The following TMCO5A variants were observed in gnomAD, a reference collection of about 807,000 sequenced individuals.
The protein encoded by TMCO5A is transmembrane and coiled-coil domain-containing protein 5A.
A neutral mutation model predicts 42.3 loss-of-function variants in TMCO5A; 34 were observed. The ratio of observed to expected loss-of-function variants is 0.80; its 90% CI spans 0.61 to 1.07. The LOEUF (loss-of-function observed/expected upper bound fraction) is 1.07. Among genes scored for constraint, TMCO5A ranks in the 50% least tolerant of loss-of-function variants. The probability of loss-of-function intolerance (pLI) is 0.00; values close to 1 mark genes in which losing one functional copy is unlikely to be tolerated. For missense variants in TMCO5A, 357 were observed against 327.9 expected, an observed-to-expected ratio of 1.09 and a Z score of -0.69; for synonymous variants, 131 against 115.6, an observed-to-expected ratio of 1.13 and a Z score of -0.86.
chr15:37,948,570 T>C (rs1390309270), intron 11 of TMCO5A, among the ~76,000 whole-genome samples: 1 of 152,096 alleles, frequency 6.6e-6, no homozygotes, highest in Non-Finnish European at 1.5e-5. Context: ...TGTTCTCTTA[T>C]ACTCCAACAC....
At chr15:37,995,690 C>G in the TMCO5A span, among the ~76,000 whole-genome samples, 22 of 152,132 alleles carry the variant, frequency 1.4e-4, no homozygotes, top group South Asian at 4.1e-4. Flanking sequence ...AGCACATGAT[C>G]CTTAGGATCC....
At chr15:37,963,143 G>A (rs1029692112) in intron 11 of TMCO5A, among the ~76,000 whole-genome samples, 15 of 151,982 alleles carry the variant, frequency 9.9e-5, no homozygotes, top group Non-Finnish European at 1.6e-4. Context: ...TGTGACCTTC[G>A]AATGTCAGCT....
chr15:37,961,099 T>C (rs1281030437), intron 11 of TMCO5A, among the ~76,000 whole-genome samples: 1 of 152,102 alleles, frequency 6.6e-6, no homozygotes, highest in African/African-American at 2.4e-5. Flanking sequence ...GGGTTCTTGG[T>C]CAGGAAATCC....
chr15:38,033,342 T>C, the TMCO5A span, among the ~76,000 whole-genome samples: 1 of 152,242 alleles, frequency 6.6e-6, no homozygotes, highest in Admixed American at 6.5e-5. Context: ...TACATTTGTA[T>C]AGAACATTTA....
At chr15:37,980,805 G>A in the TMCO5A span, among the ~76,000 whole-genome samples, 1 of 152,022 alleles carries the variant, frequency 6.6e-6, no homozygotes, top group Admixed American at 6.5e-5. Flanking sequence ...CCATTTACCA[G>A]CACCCTGCCA....
the TMCO5A span, among the ~76,000 whole-genome samples, chr15:38,033,874 A>G: frequency 2.6e-5 from 4 of 152,162 alleles, no homozygotes; most frequent in African/African-American, 9.7e-5. Flanking sequence ...TCAGCCTTCC[A>G]AAGTGCTGGG....
the TMCO5A span, among the ~76,000 whole-genome samples, chr15:38,014,853 T>TATATA: frequency 1.8e-5 from 1 of 54,632 alleles, no homozygotes; most frequent in Non-Finnish European, 3.3e-5. Context: ...AGGAGAAAGA[T>TATATA]TATATATATA....
the TMCO5A span, among the ~76,000 whole-genome samples, chr15:37,973,934 C>A: frequency 1.3e-5 from 2 of 152,012 alleles, no homozygotes; most frequent in African/African-American, 4.8e-5. Flanking sequence ...GAGGTATGTT[C>A]CTTCATTGCC....
At chr15:38,010,383 CAAAAAAAA>C in the TMCO5A span, among the ~76,000 whole-genome samples, 2 of 40,320 alleles carry the variant, frequency 5.0e-5, no homozygotes, top group African/African-American at 9.4e-5. Context: ...ACTCCGTCTC[CAAAAAAAA>C]AAAAAAAAAA....
intron 11 of TMCO5A, among the ~76,000 whole-genome samples, chr15:37,948,590 C>T (rs1188913356): frequency 1.3e-5 from 2 of 152,036 alleles, no homozygotes; most frequent in South Asian, 2.1e-4. Context: ...CAAGGGCCCA[C>T]AATGGAATTG....
intron 11 of TMCO5A, among the ~76,000 whole-genome samples, chr15:37,962,587 C>T (rs974694674): frequency 1.2e-4 from 18 of 151,934 alleles, no homozygotes; most frequent in African/African-American, 4.1e-4. Context: ...CCCTCTTTAT[C>T]TTGTGGAATA....
chr15:37,953,951 A>G (rs1258513558), downstream of TMCO5A, among the ~76,000 whole-genome samples: 3 of 151,988 alleles, frequency 2.0e-5, no homozygotes, highest in Non-Finnish European at 4.4e-5. Context: ...TAATAGCAGA[A>G]TTGATCAAGC....
chr15:37,995,315 C>A, the TMCO5A span, among the ~76,000 whole-genome samples: 1 of 152,228 alleles, frequency 6.6e-6, no homozygotes, highest in Admixed American at 6.5e-5. Context: ...AACAGAGCTT[C>A]TCCACATTGT....
the TMCO5A span, among the ~76,000 whole-genome samples, chr15:37,987,206 C>G: frequency 6.6e-6 from 1 of 151,952 alleles, no homozygotes. Flanking sequence ...TTTATATCGT[C>G]TTTGAAGCAA....
At chr15:38,034,204 A>G in the TMCO5A span, among the ~76,000 whole-genome samples, 1 of 152,158 alleles carries the variant, frequency 6.6e-6, no homozygotes, top group African/African-American at 2.4e-5. Context: ...AATCACATTC[A>G]GGAGAGCTCC....
the TMCO5A span, among the ~76,000 whole-genome samples, chr15:37,974,867 G>A: frequency 2.0e-5 from 3 of 152,064 alleles, no homozygotes; most frequent in African/African-American, 7.2e-5. Flanking sequence ...TCTATTTGAT[G>A]TGGGCATTTA....
At chr15:38,003,834 G>C in the TMCO5A span, among the ~76,000 whole-genome samples, 1 of 152,080 alleles carries the variant, frequency 6.6e-6, no homozygotes, top group South Asian at 2.1e-4. Context: ...GAGAAATGCT[G>C]TCCAGGAGCC....
chr15:37,938,215 C>A lies in TMCO5A; in HGVS notation c.373C>A (p.Leu125Ile). ...TGAACAAAGCAGTCCAGATGGAGCC[C>A]TAGAAGAGACAAAGGTAAATGAAAA... ...NCEQSSPDGA[L>I]EETKVKLQQL... The change falls in exon 6 of 12, where the codon CTA becomes ATA. Residue 125 changes from leucine (L) to isoleucine (I), a missense_variant. Leu to Ile is a conservative substitution (Grantham distance 5). Coordinates refer to ENST00000319669, the MANE Select transcript of TMCO5A (RefSeq NM_152453.4). 1 of 1,573,340 alleles carries A rather than the reference C, an allele frequency of 6.4e-7. No homozygotes were observed. Among genetic ancestry groups the A allele is most frequent in the East Asian group, 2.4e-5 (1 of 42,254 alleles).
intron 10 of TMCO5A, among the ~76,000 whole-genome samples, chr15:37,946,764 G>A (rs1889977569): frequency 6.6e-6 from 1 of 151,928 alleles, no homozygotes; most frequent in African/African-American, 2.4e-5. Flanking sequence ...TGAGATGATG[G>A]GGTTTTCTAG....
Sources: allele counts gnomAD v4.1 joint callset (sites outside exome capture counted in the v4.1 genomes callset), GRCh38; gene constraint gnomAD v4.1.1; transcripts MANE v1.5; gene names NCBI Gene and HGNC (gene_info 2026-07-23, HGNC 2026-07-21).